The following PMS2 variants were observed in gnomAD, a reference collection of about 807,000 sequenced individuals.
PMS2 encodes mismatch repair endonuclease PMS2.
Under a neutral mutation model 90.0 loss-of-function variants are expected in PMS2, and 69 were observed. That is an observed-to-expected ratio of 0.77 (90% CI 0.63 to 0.94). PMS2 has a LOEUF of 0.94. Among genes scored for constraint, PMS2 ranks in the 40% least tolerant of loss-of-function variants. PMS2 has a pLI of 0.00. For missense variants in PMS2, 966 were observed against 1,040.2 expected, an observed-to-expected ratio of 0.93 and a Z score of 0.98; for synonymous variants, 332 against 375.1, an observed-to-expected ratio of 0.89 and a Z score of 1.33.
At chr7:6,002,183 C>G in intron 5 of PMS2, 4 of 378,522 alleles carry the variant, frequency 1.1e-5, no homozygotes, top group South Asian at 9.2e-5. Context: ...GTACATGTCA[C>G]CATGCCCAGT....
chr7:5,993,862 CAAAAAAAAA>C (rs61677497), intron 8 of PMS2, among the ~76,000 whole-genome samples: 47 of 38,944 alleles, frequency 1.2e-3, no homozygotes, highest in South Asian at 1.7e-3. Flanking sequence ...GACTCTGTCT[CAAAAAAAAA>C]AAAAAAAAAA....
intron 7 of PMS2, among the ~76,000 whole-genome samples, chr7:5,997,012 C>T (rs999850136): frequency 3.3e-5 from 5 of 151,944 alleles, no homozygotes; most frequent in East Asian, 1.9e-4. Flanking sequence ...GTCAGGAGTT[C>T]GAGACCAGCC....
At chr7:5,997,102 TACTCAG>T (rs977039095) in intron 7 of PMS2, among the ~76,000 whole-genome samples, 1 of 151,554 alleles carries the variant, frequency 6.6e-6, no homozygotes, top group African/African-American at 2.4e-5. Flanking sequence ...TAATCCCAGC[TACTCAG>T]GAGGCTGAGG....
rs1222691058 is a variant in PMS2, at chr7:5,987,438, T to C, written c.1327A>G (p.Arg443Gly). ...KPHSPKTPEP[R>G]RSPLGQKRGM... ...CTTTTCTGTCCTAGAGGGCTCCTTC[T>C]TGGTTCTGGAGTCTTTGGGCTGTGA... The change falls in exon 11 of 15, where the codon AGA (arginine) becomes GGA (glycine). Residue 443 changes from arginine (R) to glycine (G), a missense_variant. By Grantham distance (125) the Arg-to-Gly change is moderately radical. Coordinates refer to ENST00000265849, the MANE Select transcript of PMS2 (RefSeq NM_000535.7). 2 of 1,614,170 alleles carry C rather than the reference T, an allele frequency of 1.2e-6. No individual in the cohort carries two copies. Among genetic ancestry groups the C allele is most frequent in the South Asian group, 2.2e-5 (2 of 91,080 alleles).
rs146381203 is a variant in PMS2, at chr7:5,994,432, G to A, written c.903+1102C>T. 1.3e-4 allele frequency among the ~76,000 whole-genome samples: 20 copies of A among 151,340 alleles called. No individual in the cohort carries two copies. The East Asian group carries it at 3.3e-3, about 25-fold the overall frequency. ...AAAAAAACTGTACACAGATAGATGCGCTCCTTAACTTATGATAGGGTTATG... is the reference window on the plus strand; with the variant it reads ...AAAAAAACTGTACACAGATAGATGCACTCCTTAACTTATGATAGGGTTATG... On this transcript the variant is annotated intron_variant, in intron 8 of 14. Transcript: ENST00000265849.
At position 5,972,230 on chromosome 7, in the gene PMS2, AGT is replaced by A. The variant is rs1423872594; in HGVS notation, c.*1167_*1168del. Among the ~76,000 whole-genome samples, 1 of 140,672 alleles carries A rather than the reference AGT, an allele frequency of 7.1e-6. No homozygotes were observed. The highest frequency in any genetic ancestry group is 2.7e-5 in the African/African-American group (1 of 37,412). 92.3% of individuals were successfully genotyped at this position (140,672 alleles called of 152,430 possible). ...AGCACAGTGCCAGACACGATGGCAC[AGT>A]GACTACTGTACTGCCTCCTCCATCT... On this transcript the variant is annotated 3_prime_UTR_variant, in exon 15 of 15. Coordinates refer to ENST00000265849, the MANE Select transcript of PMS2 (RefSeq NM_000535.7).
intron 1 of PMS2, among the ~76,000 whole-genome samples, chr7:6,008,360 A>C (rs1466988273): frequency 6.6e-6 from 1 of 152,194 alleles, no homozygotes; most frequent in Non-Finnish European, 1.5e-5. Flanking sequence ...GAAATCACAC[A>C]TCCTAACAGG....
chr7:6,006,135 C>G (rs1199124699), intron 1 of PMS2, 104 bp from the exon 2 acceptor site: 2 of 1,219,296 alleles, frequency 1.6e-6, no homozygotes, highest in Non-Finnish European at 2.4e-6. Flanking sequence ...ATTTATGGGT[C>G]TAATCTATTC....
At chr7:5,995,043 T>A (rs1268858835) in intron 8 of PMS2, among the ~76,000 whole-genome samples, 1 of 151,874 alleles carries the variant, frequency 6.6e-6, no homozygotes, top group Non-Finnish European at 1.5e-5. Flanking sequence ...AAAAAATATA[T>A]ATATATTTTT....
At chr7:6,006,057 A>G (rs1193280425) in intron 1 of PMS2, 26 bp from the exon 2 acceptor site, 1 of 1,609,452 alleles carries the variant, frequency 6.2e-7, no homozygotes, top group Non-Finnish European at 8.5e-7. Flanking sequence ...ACAAGAAACA[A>G]ATCAAGTATT....
At chr7:6,006,116 C>G (rs1461007609) in intron 1 of PMS2, 85 bp from the exon 2 acceptor site, 1 of 1,436,784 alleles carries the variant, frequency 7.0e-7, no homozygotes, top group African/African-American at 1.4e-5. Context: ...TGACTCAACA[C>G]TGTAAATAAT....
intron 11 of PMS2, among the ~76,000 whole-genome samples, chr7:5,986,190 C>G (rs1273209660): frequency 6.9e-6 from 1 of 145,888 alleles, no homozygotes; most frequent in East Asian, 2.1e-4. Flanking sequence ...CCACAGAGAA[C>G]AGGATCTGGC....
chr7:5,988,755 A>C (rs183325377), intron 10 of PMS2, among the ~76,000 whole-genome samples: 179 of 152,380 alleles, frequency 1.2e-3, no homozygotes, highest in African/African-American at 3.9e-3. Context: ...TGAATCTCAC[A>C]AACAAAATAA....
At chr7:5,993,690 GTA>G (rs1784034217) in intron 8 of PMS2, among the ~76,000 whole-genome samples, 6 of 150,528 alleles carry the variant, frequency 4.0e-5, no homozygotes, top group Admixed American at 4.0e-4. Context: ...GTGAAACCCC[GTA>G]TCTACTAAAA....
At chr7:5,998,988 T>TA in intron 6 of PMS2, 120 bp downstream of exon 6, 1 of 922,326 alleles carries the variant, frequency 1.1e-6, no homozygotes, top group African/African-American at 2.6e-5. Context: ...AGACTCCCTC[T>TA]CAAAAAAAAA....
At chr7:5,994,886 A>G (rs1428983594) in intron 8 of PMS2, among the ~76,000 whole-genome samples, 1 of 152,166 alleles carries the variant, frequency 6.6e-6, no homozygotes, top group African/African-American at 2.4e-5. Flanking sequence ...TACATAGTCT[A>G]TAGGCAAAAT....
At chr7:6,006,237 G>T (rs1021424517) in intron 1 of PMS2, among the ~76,000 whole-genome samples, 3 of 152,166 alleles carry the variant, frequency 2.0e-5, no homozygotes, top group African/African-American at 7.2e-5. Flanking sequence ...CTTCTGGATA[G>T]ATACTTCAAA....
intron 4 of PMS2, chr7:6,003,434 C>T (rs12537608): frequency 0.067 from 30,494 of 453,412 alleles, 2,306 homozygotes; most frequent in East Asian, 0.33. Context: ...TTATTATCTA[C>T]ATGTTAGGTT....
rs778531080 is a variant in PMS2 at position 5,986,784 on chromosome 7, C to T, written c.1981G>A (p.Glu661Lys). Residue 661 changes from glutamate to lysine, a missense_variant, in exon 11 of 15, where the codon GAA becomes AAA. Glu to Lys is a moderately conservative substitution (Grantham distance 56). Around this residue, in one of 2 missense-constraint regions of PMS2, gnomAD observed 95 missense variants for 237.8 expected, o/e 0.40. Coordinates refer to ENST00000265849, the MANE Select transcript of PMS2 (RefSeq NM_000535.7). Reference protein sequence around the residue: ...KICPGENQAAEDELRKEISKT... With the variant: ...KICPGENQAAKDELRKEISKT... The stretch of plus-strand genomic sequence containing the variant: ...CTTATCTCTTTTCTTAGTTCATCTT[C>T]GGCTGCTTGATTTTCTCCAGGACAA... The T allele has an allele frequency of 4.3e-5, 69 of 1,606,684 alleles. No homozygotes were observed. The highest frequency in any genetic ancestry group is 5.5e-5 in the Non-Finnish European group (65 of 1,178,270).
Sources: allele counts gnomAD v4.1 joint callset (sites outside exome capture counted in the v4.1 genomes callset), GRCh38; gene constraint gnomAD v4.1.1; regional missense constraint gnomAD v4.1.1; transcripts MANE v1.5; gene names NCBI Gene and HGNC (gene_info 2026-07-23, HGNC 2026-07-21).